The following MRAP2 variants were observed in gnomAD, a reference collection of about 807,000 sequenced individuals.
MRAP2 encodes melanocortin-2 receptor accessory protein 2.
Under a neutral mutation model 17.4 loss-of-function variants are expected in MRAP2, and 20 were observed. The ratio of observed to expected loss-of-function variants is 1.15; its 90% confidence interval spans 0.81 to 1.67. MRAP2 has a LOEUF of 1.67. Among genes scored for constraint, MRAP2 ranks in the 40% most tolerant of loss-of-function variants. The pLI, the probability that MRAP2 is intolerant of heterozygous loss-of-function variation, is 0.00. For synonymous variants in MRAP2, 96 were observed against 88.4 expected, an observed-to-expected ratio of 1.09 and a Z score of -0.48; for missense variants, 238 against 240.0, an observed-to-expected ratio of 0.99 and a Z score of 0.05.
At chr6:84,059,149 G>A (rs1178112275) in intron 2 of MRAP2, among the ~76,000 whole-genome samples, 1 of 152,150 alleles carries the variant, frequency 6.6e-6, no homozygotes, top group African/African-American at 2.4e-5. Context: ...CACTCTGGCC[G>A]CTGTGTTGAG....
At chr6:84,045,720 G>A (rs896888047) in intron 1 of MRAP2, among the ~76,000 whole-genome samples, 6 of 151,966 alleles carry the variant, frequency 3.9e-5, no homozygotes, top group Non-Finnish European at 5.9e-5. Context: ...CTGAGATCAC[G>A]CCACTGCACT....
intron 3 of MRAP2, among the ~76,000 whole-genome samples, chr6:84,066,398 C>T (rs1157211408): frequency 6.6e-6 from 1 of 152,088 alleles, no homozygotes; most frequent in South Asian, 2.1e-4. Context: ...AGAATCAGAA[C>T]ATGTGGAAAA....
At chr6:84,144,889 T>TATC in the MRAP2 span, among the ~76,000 whole-genome samples, 1 of 152,168 alleles carries the variant, frequency 6.6e-6, no homozygotes, top group African/African-American at 2.4e-5. Context: ...TTTTTTCCTC[T>TATC]ATCTCTCCAG....
the MRAP2 span, among the ~76,000 whole-genome samples, chr6:84,138,978 A>G: frequency 6.6e-6 from 1 of 152,212 alleles, no homozygotes; most frequent in Non-Finnish European, 1.5e-5. Context: ...TCATAATACA[A>G]TTGGCTCTAT....
In MRAP2 at chr6:84,079,111, G is replaced by A. The variant is rs753863967; in HGVS notation, c.228-9980G>A. 5.3e-5 allele frequency among the ~76,000 whole-genome samples: 8 copies of A among 152,218 alleles called. No individual in the cohort carries two copies. The East Asian group carries it at 9.6e-4, about 18-fold the overall frequency. On this transcript the variant is annotated intron_variant, in intron 3 of 3. Coordinates refer to ENST00000257776, the MANE Select transcript of MRAP2 (RefSeq NM_138409.4). ...ATCCACAAAGAGACTTTTCAACAAC[G>A]TTCAAAGTAGCTTTACTCACATAGT...
chr6:84,040,778 G>A (rs1207446289), intron 1 of MRAP2, among the ~76,000 whole-genome samples: 11 of 152,304 alleles, frequency 7.2e-5, no homozygotes, highest in Admixed American at 2.6e-4. Flanking sequence ...GATTTAGGGT[G>A]TCTGGTAGAA....
chr6:84,089,660 T>C lies in MRAP2; in HGVS notation c.*179T>C. The C allele has an allele frequency of 1.5e-6, 1 of 668,194 alleles. No individual in the cohort carries two copies. 41.4% of individuals were successfully genotyped at this position (668,194 alleles called of 1,614,324 possible). A position where few individuals can be genotyped will look rare whatever the true frequency, so the allele number is the denominator to read the frequency against. On this transcript the variant is annotated 3_prime_UTR_variant, in exon 4 of 4. Transcript: ENST00000257776. ...TGAGCTGATTAAGCTGAGTGGTTTTTTGTTTTGTTTTGTTTTTGCTTTTTA... is the reference window on the plus strand; with the variant it reads ...TGAGCTGATTAAGCTGAGTGGTTTTCTGTTTTGTTTTGTTTTTGCTTTTTA...
upstream of MRAP2, chr6:84,033,574 C>G: frequency 1.5e-6 from 1 of 657,728 alleles, no homozygotes; most frequent in Non-Finnish European, 1.9e-6. Flanking sequence ...AGGCTCTGAC[C>G]CGGACTCGGA....
At chr6:84,080,370 T>C (rs2099498668) in intron 3 of MRAP2, among the ~76,000 whole-genome samples, 1 of 152,154 alleles carries the variant, frequency 6.6e-6, no homozygotes, top group Admixed American at 6.6e-5. Flanking sequence ...TTCATTTTGA[T>C]TCTGACAACT....
chr6:84,047,429 C>G (rs971495328), intron 1 of MRAP2, among the ~76,000 whole-genome samples: 4 of 151,552 alleles, frequency 2.6e-5, no homozygotes, highest in African/African-American at 7.3e-5. Flanking sequence ...GGACTCAAAG[C>G]AATCCACCTG....
At chr6:84,130,260 A>G in the MRAP2 span, among the ~76,000 whole-genome samples, 1 of 152,190 alleles carries the variant, frequency 6.6e-6, no homozygotes, top group Non-Finnish European at 1.5e-5. Flanking sequence ...TTGGATTGCC[A>G]GTATTTTATT....
the MRAP2 span, among the ~76,000 whole-genome samples, chr6:84,134,728 T>G: frequency 6.6e-6 from 1 of 152,112 alleles, no homozygotes; most frequent in East Asian, 1.9e-4. Context: ...GTTGGAAATG[T>G]AGAAATCACT....
the MRAP2 span, chr6:84,125,412 C>A: frequency 1.4e-6 from 1 of 704,468 alleles, no homozygotes; most frequent in Admixed American, 2.6e-5. Flanking sequence ...GTGGATGCAA[C>A]ATTTTCTGTC....
chr6:84,146,042 T>G, the MRAP2 span, among the ~76,000 whole-genome samples: 1 of 152,134 alleles, frequency 6.6e-6, no homozygotes, highest in East Asian at 1.9e-4. Flanking sequence ...AATTGACCTA[T>G]TCTCAGCACT....
chr6:84,137,379 A>C, the MRAP2 span, among the ~76,000 whole-genome samples: 1 of 150,364 alleles, frequency 6.7e-6, no homozygotes, highest in Non-Finnish European at 1.5e-5. Context: ...TCATTCCACT[A>C]TCTGTTCATA....
the MRAP2 span, among the ~76,000 whole-genome samples, chr6:84,134,511 C>T: frequency 0.04 from 6,147 of 152,268 alleles, 159 homozygotes; most frequent in Non-Finnish European, 0.06. Flanking sequence ...GTGTGCATTG[C>T]GAAGACCTTG....
intron 1 of MRAP2, among the ~76,000 whole-genome samples, chr6:84,048,808 C>T (rs907724684): frequency 2.6e-5 from 4 of 152,202 alleles, no homozygotes; most frequent in African/African-American, 7.2e-5. Context: ...CTGTGGTCAG[C>T]TTGGCCATTG....
At chr6:84,034,730 C>T (rs61667823) in intron 1 of MRAP2, among the ~76,000 whole-genome samples, 8,453 of 151,836 alleles carry the variant, frequency 0.056, 750 homozygotes, top group African/African-American at 0.19. Context: ...TCCAGGGAGA[C>T]GAGAGAAGGG....
At chr6:84,110,945 G>A in the MRAP2 span, among the ~76,000 whole-genome samples, 14,233 of 152,060 alleles carry the variant, frequency 0.094, 1,738 homozygotes, top group African/African-American at 0.29. Context: ...CCTCTGTTTT[G>A]TTCCATTGGT....
Sources: gnomAD v4.1 joint callset for allele counts (sites outside exome capture counted in the v4.1 genomes callset) on GRCh38, gnomAD v4.1.1 for gene constraint, MANE v1.5 for transcripts, NCBI Gene and HGNC (gene_info 2026-07-23, HGNC 2026-07-21) for gene names.